ATAD5: variants seen among roughly 807,000 people sequenced by gnomAD.
ATAD5 encodes ATPase family AAA domain-containing protein 5.
ATAD5 carries 58 observed loss-of-function variants against 176.9 expected under a neutral mutation model. The observed-to-expected ratio is 0.33, with a 90% confidence interval of 0.27 to 0.41. The LOEUF (loss-of-function observed/expected upper bound fraction) is 0.41. ATAD5 is among the 10% of genes least tolerant of loss of function. The pLI is 1.00. For missense variants in ATAD5, 1,789 were observed against 2,094.1 expected, an observed-to-expected ratio of 0.85 and a Z score of 2.84; for synonymous variants, 640 against 712.6, an observed-to-expected ratio of 0.90 and a Z score of 1.62.
chr17:30,862,056 C>G (rs1422868831), intron 10 of ATAD5: 1 of 148,614 alleles, frequency 6.7e-6, no homozygotes, highest in Non-Finnish European at 1.5e-5. Context: ...ACACAGTGTC[C>G]GGGCATAGTG....
At chr17:30,875,690 G>C (rs763099424) in intron 14 of ATAD5, among the ~76,000 whole-genome samples, 1 of 151,770 alleles carries the variant, frequency 6.6e-6, no homozygotes, top group Non-Finnish European at 1.5e-5. Flanking sequence ...CCAGCTACTT[G>C]GGGGGCTGGG....
At chr17:30,850,786 T>TA (rs1164746579) in intron 6 of ATAD5, among the ~76,000 whole-genome samples, 1 of 135,728 alleles carries the variant, frequency 7.4e-6, no homozygotes, top group Non-Finnish European at 1.6e-5. Flanking sequence ...AATCATATAT[T>TA]AAAAAATCAT....
chr17:30,890,088 T>TA (rs1408282000), intron 19 of ATAD5, among the ~76,000 whole-genome samples: 1 of 151,802 alleles, frequency 6.6e-6, no homozygotes. Flanking sequence ...GGGATCTCAC[T>TA]ATGTTGCCCA....
chr17:30,832,246 A>G lies in ATAD5; in HGVS notation c.-102A>G. 1.8e-6 allele frequency: 2 copies of G among 1,101,802 alleles called. No homozygotes were observed. Among genetic ancestry groups the G allele is most frequent in the Non-Finnish European group, 2.4e-6 (2 of 821,698 alleles). 68.3% of individuals were successfully genotyped at this position (1,101,802 alleles called of 1,614,324 possible). The stretch of plus-strand genomic sequence containing the variant: ...ATCCGAAACGGCTCAGCAGAATCCC[A>G]GCAGCTTGCTGCTACTGGAGCGGGC... On this transcript the variant is annotated 5_prime_UTR_variant, in exon 1 of 23. Coordinates refer to ENST00000321990, the MANE Select transcript of ATAD5 (RefSeq NM_024857.5).
intron 6 of ATAD5, among the ~76,000 whole-genome samples, chr17:30,846,798 G>C (rs1261803851): frequency 6.7e-6 from 1 of 149,168 alleles, no homozygotes; most frequent in Admixed American, 6.8e-5. Flanking sequence ...TCAGCTCACC[G>C]CAACCTCCAC....
chr17:30,849,685 CCT>C (rs140595677), intron 6 of ATAD5, among the ~76,000 whole-genome samples: 2,826 of 152,116 alleles, frequency 0.019, 103 homozygotes, highest in African/African-American at 0.064. Context: ...GACTACATGT[CCT>C]CTGTCAGATA....
intron 17 of ATAD5, 29 bp from the exon 18 acceptor site, chr17:30,879,394 T>C: frequency 6.3e-7 from 1 of 1,598,044 alleles, no homozygotes. Flanking sequence ...TTAAGAATTT[T>C]TTTTTTTTGT....
rs187469486 is a variant in ATAD5 at position 30,883,325 on chromosome 17, C to T, written c.4077+3838C>T. ...ATTTTTTTGTAGAGATGAGGTCTCA[C>T]TATATTGCCCAGACTGGTCCTGAAT... On this transcript the variant is annotated intron_variant, in intron 18 of 22. Transcript: ENST00000321990. Among the ~76,000 whole-genome samples, 809 of 152,048 alleles carry T rather than the reference C, an allele frequency of 5.3e-3. 18 individuals carry two copies. The highest frequency in any genetic ancestry group is 5.7e-3 in the Non-Finnish European group (385 of 67,984).
intron 5 of ATAD5, 116 bp from the exon 6 acceptor site, chr17:30,844,719 G>T: frequency 2.5e-6 from 2 of 816,002 alleles, no homozygotes; most frequent in South Asian, 3.4e-5. Flanking sequence ...CTGCACTCCA[G>T]CTTGGGCTAC....
chr17:30,890,611 CAG>C (rs2142452618), intron 19 of ATAD5, among the ~76,000 whole-genome samples: 1 of 151,436 alleles, frequency 6.6e-6, no homozygotes, highest in East Asian at 2.0e-4. Flanking sequence ...TTAGTAGAGA[CAG>C]GGTTTCACTG....
intron 7 of ATAD5, 73 bp downstream of exon 7, chr17:30,855,400 T>G: frequency 7.2e-7 from 1 of 1,386,984 alleles, no homozygotes; most frequent in East Asian, 2.5e-5. Flanking sequence ...GTAAGTTTCT[T>G]AAAGATGAGG....
At chr17:30,859,858 A>G (rs4795568) in intron 9 of ATAD5, among the ~76,000 whole-genome samples, 117,907 of 145,430 alleles carry the variant, frequency 0.81, 50,397 homozygotes, top group East Asian at 1. Flanking sequence ...TAGGTAGCTG[A>G]GATTACAGGC....
At chr17:30,856,013 A>G (rs1907274647) in intron 7 of ATAD5, among the ~76,000 whole-genome samples, 1 of 152,132 alleles carries the variant, frequency 6.6e-6, no homozygotes, top group Admixed American at 6.6e-5. Flanking sequence ...TTACTAGTAC[A>G]GCTTTATATA....
intron 9 of ATAD5, among the ~76,000 whole-genome samples, chr17:30,858,687 A>AT (rs986511496): frequency 2.0e-5 from 3 of 149,468 alleles, no homozygotes; most frequent in African/African-American, 7.4e-5. Flanking sequence ...CGCTTGGCCT[A>AT]TTTTTTCTTT....
chr17:30,868,226 A>G, intron 11 of ATAD5, 107 bp from the exon 12 acceptor site: 1 of 868,418 alleles, frequency 1.2e-6, no homozygotes, highest in East Asian at 3.2e-5. Flanking sequence ...GGCCAGTGGC[A>G]GAGAAACTAA....
chr17:30,854,142 G>A lies in ATAD5; in HGVS notation c.2451-1001G>A, dbSNP rs147967793. ...TTTTAGGTAATTTTATTACCTAAAT[G>A]TATTAAATAAATTTTAAAAATTAAT... On this transcript the variant is annotated intron_variant, in intron 6 of 22. Transcript: ENST00000321990. 6.3e-3 allele frequency among the ~76,000 whole-genome samples: 939 copies of A among 148,524 alleles called. 9 individuals carry two copies. The highest frequency in any genetic ancestry group is 0.022 in the African/African-American group (898 of 40,884).
At chr17:30,886,372 T>TTTTATTTATTTA (rs138195442) in intron 18 of ATAD5, among the ~76,000 whole-genome samples, 10 of 146,500 alleles carry the variant, frequency 6.8e-5, no homozygotes, top group African/African-American at 2.3e-4. Flanking sequence ...AATTGAATTA[T>TTTTATTTATTTA]TTTATTTATT....
chr17:30,884,424 C>CTTTTTTTTTTTTTTTTTTTT (rs61664127), intron 18 of ATAD5, among the ~76,000 whole-genome samples: 44 of 80,962 alleles, frequency 5.4e-4, no homozygotes, highest in East Asian at 9.1e-4. Flanking sequence ...CTTTTCTTTT[C>CTTTTTTTTTTTTTTTTTTTT]TTTTTTTTTT....
chr17:30,838,304 G>A (rs530785806), intron 3 of ATAD5, among the ~76,000 whole-genome samples: 61 of 152,308 alleles, frequency 4.0e-4, no homozygotes, highest in Admixed American at 4.0e-3. Context: ...AGGTGACTCT[G>A]AATTAATCCT....
Sources: allele counts gnomAD v4.1 joint callset (sites outside exome capture counted in the v4.1 genomes callset), GRCh38; gene constraint gnomAD v4.1.1; transcripts MANE v1.5; gene names NCBI Gene and HGNC (gene_info 2026-07-23, HGNC 2026-07-21).